Variants in RRAS2 observed in about 807,000 individuals in gnomAD.
RRAS2 encodes ras-related protein R-Ras2.
Under a neutral mutation model 27.6 loss-of-function variants are expected in RRAS2, and 7 were observed. The observed-to-expected ratio is 0.25, with a 90% CI of 0.14 to 0.48. The LOEUF is 0.48. RRAS2 is among the 20% of genes least tolerant of loss of function. The pLI is 0.99. For synonymous variants in RRAS2, 86 were observed against 90.9 expected (o/e 0.95, Z 0.31); for missense variants, 178 against 256.2 (o/e 0.69, Z 2.08).
intron 1 of RRAS2, among the ~76,000 whole-genome samples, chr11:14,307,234 AAC>A (rs1402164452): frequency 3.4e-5 from 4 of 116,286 alleles, no homozygotes; most frequent in African/African-American, 9.6e-5. Flanking sequence ...AAACAACAAC[AAC>A]AAAAAAAAAG....
At chr11:14,336,501 AG>A (rs1358690682) in intron 1 of RRAS2, among the ~76,000 whole-genome samples, 8 of 152,126 alleles carry the variant, frequency 5.3e-5, no homozygotes, top group African/African-American at 1.7e-4. Context: ...ATGAAAAAAA[AG>A]TCTCAGCAAA....
At chr11:14,319,873 T>G (rs1278093420) in intron 1 of RRAS2, among the ~76,000 whole-genome samples, 3 of 152,160 alleles carry the variant, frequency 2.0e-5, no homozygotes, top group African/African-American at 7.2e-5. Context: ...ACAACAAAAA[T>G]AAGATTATAA....
At chr11:14,289,866 G>C (rs1849762426) in intron 4 of RRAS2, among the ~76,000 whole-genome samples, 1 of 152,078 alleles carries the variant, frequency 6.6e-6, no homozygotes, top group Admixed American at 6.5e-5. Context: ...CAAATTCAAA[G>C]AACAAGGAGA....
At chr11:14,362,373 A>G (rs1276942952), upstream of RRAS2, among the ~76,000 whole-genome samples, 1 of 151,398 alleles carries the variant, frequency 6.6e-6, no homozygotes, top group African/African-American at 2.5e-5. Flanking sequence ...CAAACGTAGT[A>G]TTCAGCAAAT....
chr11:14,346,620 G>A (rs1382907308), intron 1 of RRAS2, among the ~76,000 whole-genome samples: 3 of 152,078 alleles, frequency 2.0e-5, no homozygotes, highest in Non-Finnish European at 2.9e-5. Flanking sequence ...AAAAGTACTT[G>A]GAAATGTTCT....
At chr11:14,293,139 A>ATATATATATG (rs1469568247) in intron 4 of RRAS2, among the ~76,000 whole-genome samples, 1 of 122,880 alleles carries the variant, frequency 8.1e-6, no homozygotes, top group Non-Finnish European at 1.6e-5. Flanking sequence ...ATATATATAT[A>ATATATATATG]TATATATATA....
Position 14,281,680 on chromosome 11 carries a change from T to G in RRAS2, c.449A>C (p.Lys150Thr), listed in dbSNP as rs782092871. 5.0e-6 allele frequency: 8 copies of G among 1,596,774 alleles called. No individual in the cohort carries two copies. The highest frequency in any genetic ancestry group is 1.4e-5 in the African/African-American group (1 of 73,920). Residue 150 changes from lysine to threonine, a missense_variant, in exon 5 of 6, where the codon AAG (lysine) becomes ACG (threonine). Physicochemically the swap from Lys to Thr is moderately conservative, Grantham distance 78. Coordinates refer to ENST00000256196, the MANE Select transcript of RRAS2 (RefSeq NM_012250.6). ...EEGQQLARQLKVTYMEASAKI... is the reference protein window; with the variant it reads ...EEGQQLARQLTVTYMEASAKI... ...TGCTGATGCCTCCATGTATGTTACC[T>G]TAAGCTGCCGTGCTAACTGTTGTCC...
At chr11:14,360,814 C>T (rs1186528334), upstream of RRAS2, among the ~76,000 whole-genome samples, 2 of 151,524 alleles carry the variant, frequency 1.3e-5, no homozygotes, top group Admixed American at 6.6e-5. Context: ...TCCGCTACTC[C>T]GGAGGCTGAG....
intron 1 of RRAS2, among the ~76,000 whole-genome samples, chr11:14,327,186 AAAC>A (rs1431613871): frequency 6.6e-6 from 1 of 152,230 alleles, no homozygotes; most frequent in African/African-American, 2.4e-5. Context: ...AATTAAATCA[AAAC>A]AACAGTTTTA....
intron 1 of RRAS2, among the ~76,000 whole-genome samples, chr11:14,315,999 A>T (rs1848093349): frequency 6.6e-6 from 1 of 151,714 alleles, no homozygotes; most frequent in African/African-American, 2.4e-5. Flanking sequence ...CAGAGCTATT[A>T]AAAACATTAA....
At chr11:14,348,953 C>T (rs1471563867) in intron 1 of RRAS2, among the ~76,000 whole-genome samples, 1 of 152,046 alleles carries the variant, frequency 6.6e-6, no homozygotes, top group Non-Finnish European at 1.5e-5. Flanking sequence ...ATTTCTATAT[C>T]TACATACTTC....
intron 1 of RRAS2, among the ~76,000 whole-genome samples, chr11:14,339,300 G>T (rs1195077517): frequency 1.5e-5 from 2 of 129,728 alleles, no homozygotes; most frequent in African/African-American, 5.5e-5. Flanking sequence ...AAAAGGGGGG[G>T]GGGGGAAGAA....
chr11:14,295,764 T>C lies in RRAS2; in HGVS notation c.196+4A>G. ...AAATTATCAAACAAAGGAAGTTTACTTACTATCTAGCCGGGCTGCTCTGTC... is the reference window on the plus strand; with the variant it reads ...AAATTATCAAACAAAGGAAGTTTACCTACTATCTAGCCGGGCTGCTCTGTC... On this transcript the variant is annotated splice_donor_region_variant and intron_variant, in intron 2 of 5. Transcript: ENST00000256196. 2.5e-6 allele frequency: 4 copies of C among 1,593,584 alleles called. No individual in the cohort carries two copies. Among genetic ancestry groups the C allele is most frequent in the Non-Finnish European group, 3.4e-6 (4 of 1,170,282 alleles).
At chr11:14,344,012 G>A (rs971968825) in intron 1 of RRAS2, among the ~76,000 whole-genome samples, 5 of 151,950 alleles carry the variant, frequency 3.3e-5, no homozygotes, top group Admixed American at 1.3e-4. Flanking sequence ...GCATGGTGGC[G>A]CACGCCTGTA....
intron 1 of RRAS2, among the ~76,000 whole-genome samples, chr11:14,346,771 T>A (rs550931924): frequency 6.6e-6 from 1 of 152,216 alleles, no homozygotes. Flanking sequence ...ATAGTACGTA[T>A]GTTAGCTATA....
intron 1 of RRAS2, among the ~76,000 whole-genome samples, chr11:14,316,359 AGG>A: frequency 6.6e-6 from 1 of 152,240 alleles, no homozygotes; most frequent in Non-Finnish European, 1.5e-5. Context: ...GGTACAAAGG[AGG>A]GAAAAGTAGG....
chr11:14,295,698 G>C, intron 2 of RRAS2, 70 bp downstream of exon 2: 1 of 1,163,744 alleles, frequency 8.6e-7, no homozygotes, highest in Non-Finnish European at 1.2e-6. Flanking sequence ...ATTTAACATA[G>C]CAAAACATCA....
intron 2 of RRAS2, among the ~76,000 whole-genome samples, 178 bp from the exon 3 acceptor site, chr11:14,295,040 A>C (rs1298763944): frequency 2.0e-5 from 3 of 152,240 alleles, no homozygotes; most frequent in Non-Finnish European, 2.9e-5. Context: ...CTAATGGCAG[A>C]CAGTTACAGA....
intron 4 of RRAS2, among the ~76,000 whole-genome samples, chr11:14,283,551 G>T (rs1418400713): frequency 1.3e-5 from 2 of 152,066 alleles, no homozygotes; most frequent in Non-Finnish European, 2.9e-5. Flanking sequence ...TTTTCTTTGA[G>T]GTACGTTTTT....
Sources: allele counts gnomAD v4.1 joint callset (sites outside exome capture counted in the v4.1 genomes callset), GRCh38; gene constraint gnomAD v4.1.1; transcripts MANE v1.5; gene names NCBI Gene and HGNC (gene_info 2026-07-23, HGNC 2026-07-21).